The following KCNJ3 variants were observed in gnomAD, a reference collection of about 807,000 sequenced individuals.
The protein encoded by KCNJ3 is potassium inwardly rectifying channel subfamily J member 3.
KCNJ3 carries 4 observed loss-of-function variants against 39.2 expected under a neutral mutation model. That is an observed-to-expected ratio of 0.10 (90% confidence interval 0.05 to 0.23). The LOEUF is 0.23. Among genes scored for constraint, KCNJ3 ranks in the 10% least tolerant of loss-of-function variants. KCNJ3 has a pLI of 1.00. For missense variants in KCNJ3, 276 were observed against 634.9 expected (o/e 0.43, Z 6.08); for synonymous variants, 230 against 237.4 (o/e 0.97, Z 0.29).
intron 2 of KCNJ3, among the ~76,000 whole-genome samples, chr2:154,847,430 T>C (rs1311999506): frequency 6.6e-6 from 1 of 152,118 alleles, no homozygotes; most frequent in African/African-American, 2.4e-5. Flanking sequence ...CTCAGGGCAA[T>C]ATGTAGGGTG....
chr2:154,737,955 T>G (rs1490746410), intron 2 of KCNJ3, among the ~76,000 whole-genome samples: 1 of 152,146 alleles, frequency 6.6e-6, no homozygotes, highest in Non-Finnish European at 1.5e-5. Context: ...AAAACTACAT[T>G]AAGACATACC....
intron 2 of KCNJ3, among the ~76,000 whole-genome samples, chr2:154,835,940 TTTTAG>T (rs1368268886): frequency 6.6e-6 from 1 of 152,112 alleles, no homozygotes; most frequent in Non-Finnish European, 1.5e-5. Flanking sequence ...ACAGATTATC[TTTTAG>T]TTTAAACTCT....
chr2:154,789,177 G>A (rs1046241968), intron 2 of KCNJ3, among the ~76,000 whole-genome samples: 45 of 152,004 alleles, frequency 3.0e-4, no homozygotes, highest in Admixed American at 1.2e-3. Context: ...AAAGCACAAG[G>A]ATATATGAAT....
At chr2:154,741,365 A>C (rs1416155513) in intron 2 of KCNJ3, among the ~76,000 whole-genome samples, 1 of 151,872 alleles carries the variant, frequency 6.6e-6, no homozygotes, top group Non-Finnish European at 1.5e-5. Context: ...GTTTAATTCA[A>C]ACTACCTTTT....
Position 154,856,515 on chromosome 2 carries a change from G to C in KCNJ3, c.*1202G>C, listed in dbSNP as rs1463330130. The C allele has an allele frequency of 3.3e-5, 5 of 152,092 alleles. No individual in the cohort carries two copies. Among genetic ancestry groups the C allele is most frequent in the Non-Finnish European group, 5.9e-5 (4 of 67,986 alleles). The allele number at this position is 152,092 out of a possible 1,614,324, so 9.4% of individuals were successfully genotyped here. On this transcript the variant is annotated 3_prime_UTR_variant, in exon 3 of 3. Coordinates refer to ENST00000295101, the MANE Select transcript of KCNJ3 (RefSeq NM_002239.4). ...TGTTTTCTTGTTTATGGCATTTGTT[G>C]TAACAGGATAGACTTTTTCCTCACC...
At chr2:154,742,385 T>G (rs1685668843) in intron 2 of KCNJ3, among the ~76,000 whole-genome samples, 1 of 151,758 alleles carries the variant, frequency 6.6e-6, no homozygotes, top group African/African-American at 2.4e-5. Context: ...GTCTTTTGGG[T>G]GTATACTCAG....
At chr2:154,833,604 T>A (rs1687399690) in intron 2 of KCNJ3, among the ~76,000 whole-genome samples, 1 of 152,142 alleles carries the variant, frequency 6.6e-6, no homozygotes, top group South Asian at 2.1e-4. Context: ...ATATTCTGAG[T>A]TTTAACAAAT....
intron 2 of KCNJ3, among the ~76,000 whole-genome samples, chr2:154,806,578 C>T (rs1271969048): frequency 6.6e-6 from 1 of 152,096 alleles, no homozygotes; most frequent in Non-Finnish European, 1.5e-5. Flanking sequence ...TGAAGTCTGG[C>T]GTATTCAGCA....
In KCNJ3 at chr2:154,857,967, G is replaced by A. The variant is rs147315040; in HGVS notation, c.*2654G>A. ...TAACATAATGCAAAGTAACTGTGTGGAATAAAAATTGATTATTTTAGAAAA... is the reference window on the plus strand; with the variant it reads ...TAACATAATGCAAAGTAACTGTGTGAAATAAAAATTGATTATTTTAGAAAA... On this transcript the variant is annotated 3_prime_UTR_variant, in exon 3 of 3. Transcript: ENST00000295101. 1.4e-5 allele frequency: 1 copy of A among 70,464 alleles called. No homozygotes were observed. The highest frequency in any genetic ancestry group is 3.7e-5 in the Non-Finnish European group (1 of 27,252). The allele number at this position is 70,464 out of a possible 1,614,324, so 4.4% of individuals were successfully genotyped here.
At chr2:154,836,521 T>TTATG (rs1687466240) in intron 2 of KCNJ3, among the ~76,000 whole-genome samples, 2 of 152,152 alleles carry the variant, frequency 1.3e-5, no homozygotes, top group South Asian at 4.1e-4. Flanking sequence ...AAATGCCTAT[T>TTATG]TATGTCATGG....
chr2:154,718,190 G>T (rs1685212556), intron 2 of KCNJ3, among the ~76,000 whole-genome samples: 1 of 152,026 alleles, frequency 6.6e-6, no homozygotes, highest in Non-Finnish European at 1.5e-5. Flanking sequence ...TTATATATTT[G>T]TTATTTATTG....
chr2:154,699,370 C>A lies in KCNJ3; in HGVS notation c.595C>A (p.His199Asn), dbSNP rs768904391. The change falls in exon 1 of 3, where the codon CAC (histidine) becomes AAC (asparagine). Residue 199 changes from histidine to asparagine, a missense_variant. By Grantham distance (68) the His-to-Asn change is moderately conservative. Transcript: ENST00000295101. The surrounding 1 kb of genome is among the most constrained non-coding windows in gnomAD (Gnocchi z 6.4). ...KRAETLMFSE[H>N]AVISMRDGKL... ...CGCCGAGACCCTCATGTTCAGCGAG[C>A]ACGCGGTGATCTCCATGAGGGACGG... 6.2e-7 allele frequency: 1 copy of A among 1,611,942 alleles called. No homozygotes were observed. The highest frequency in any genetic ancestry group is 8.5e-7 in the Non-Finnish European group (1 of 1,180,014).
chr2:154,764,294 T>G (rs1686096015), intron 2 of KCNJ3, among the ~76,000 whole-genome samples: 1 of 152,208 alleles, frequency 6.6e-6, no homozygotes, highest in Non-Finnish European at 1.5e-5. Context: ...TTGTTTTGTT[T>G]TGATCAGATT....
At chr2:154,746,304 G>T (rs577610810) in intron 2 of KCNJ3, among the ~76,000 whole-genome samples, 1 of 151,932 alleles carries the variant, frequency 6.6e-6, no homozygotes, top group Admixed American at 6.6e-5. Context: ...AAAGTCAAAA[G>T]TTGTATGTAA....
At chr2:154,796,956 T>C (rs1686730766) in intron 2 of KCNJ3, among the ~76,000 whole-genome samples, 1 of 152,160 alleles carries the variant, frequency 6.6e-6, no homozygotes, top group African/African-American at 2.4e-5. Context: ...CCCATTCTAT[T>C]CTAGGATTGC....
intron 2 of KCNJ3, among the ~76,000 whole-genome samples, chr2:154,849,140 T>C (rs977072638): frequency 2.8e-4 from 43 of 152,134 alleles, no homozygotes; most frequent in African/African-American, 9.9e-4. Flanking sequence ...CTATCTTGTA[T>C]CCCTCTGTGA....
At chr2:154,700,003 C>T (rs958643174) in intron 1 of KCNJ3, among the ~76,000 whole-genome samples, 1 of 152,096 alleles carries the variant, frequency 6.6e-6, no homozygotes, top group Non-Finnish European at 1.5e-5. Context: ...CTCCTCTGGA[C>T]CCAATGACTT....
chr2:154,727,511 G>C (rs893821820), intron 2 of KCNJ3, among the ~76,000 whole-genome samples: 3 of 146,668 alleles, frequency 2.0e-5, no homozygotes, highest in African/African-American at 7.7e-5. Flanking sequence ...AGAATCACTT[G>C]AACCCAGGGG....
At chr2:154,723,985 T>TTATATA (rs1352416951) in intron 2 of KCNJ3, among the ~76,000 whole-genome samples, 2 of 152,182 alleles carry the variant, frequency 1.3e-5, no homozygotes, top group Non-Finnish European at 2.9e-5. Context: ...AATCACCCAA[T>TTATATA]TATACATTTG....
Sources: gnomAD v4.1 joint callset for allele counts (sites outside exome capture counted in the v4.1 genomes callset) on GRCh38, gnomAD v4.1.1 for gene constraint, Gnocchi (gnomAD v3.1) non-coding constraint, MANE v1.5 for transcripts, NCBI Gene and HGNC (gene_info 2026-07-23, HGNC 2026-07-21) for gene names.